The following SDK1 variants were observed in gnomAD, a reference collection of about 807,000 sequenced individuals.
SDK1 encodes the protein protein sidekick-1.
A neutral mutation model predicts 245.5 loss-of-function variants in SDK1; 157 were observed. The ratio of observed to expected loss-of-function variants is 0.64; its 90% CI spans 0.56 to 0.73. The LOEUF (loss-of-function observed/expected upper bound fraction) is 0.73, where lower values mean the gene tolerates loss of function less well. SDK1 is among the 30% of genes least tolerant of loss of function. The probability of loss-of-function intolerance (pLI) is 0.00; values close to 1 mark genes in which losing one functional copy is unlikely to be tolerated. For synonymous variants in SDK1, 1,647 were observed against 1,278.5 expected (o/e 1.29, Z -6.15); for missense variants, 3,583 against 3,002.3 (o/e 1.19, Z -4.52).
At chr7:3,336,020 C>T (rs1478215224) in intron 1 of SDK1, among the ~76,000 whole-genome samples, 2 of 152,108 alleles carry the variant, frequency 1.3e-5, no homozygotes, top group African/African-American at 2.4e-5. Context: ...ATGTCTAGTA[C>T]AGGGCACTGC....
At position 3,637,074 on chromosome 7, in the gene SDK1, A is replaced by C. The variant is rs868790988; in HGVS notation, c.459-1930A>C. ...GATGCAGAGAGAGAGAGAGAGAGAG[A>C]GTGCGTGCGCGCGTGTGTGTGTGTG... On this transcript the variant is annotated intron_variant, in intron 2 of 44. Transcript: ENST00000404826. Among the ~76,000 whole-genome samples, 268 of 138,636 alleles carry C rather than the reference A, an allele frequency of 1.9e-3. 1 individual carries two copies. The highest frequency in any genetic ancestry group is 3.8e-3 in the Middle Eastern group (1 of 266). The allele number at this position is 138,636 out of a possible 152,430, so 91.0% of individuals were successfully genotyped here. A position where few individuals can be genotyped will look rare whatever the true frequency, so the allele number is the denominator to read the frequency against.
chr7:4,129,184 A>G (rs1225940126), intron 26 of SDK1, among the ~76,000 whole-genome samples: 78 of 58,062 alleles, frequency 1.3e-3, no homozygotes, highest in Middle Eastern at 0.018. Context: ...ACCTTGGGGT[A>G]GGGTGCCCTG....
chr7:3,768,413 TAAGGAAAA>T (rs1780315821), intron 4 of SDK1, among the ~76,000 whole-genome samples: 1 of 152,122 alleles, frequency 6.6e-6, no homozygotes, highest in African/African-American at 2.4e-5. Flanking sequence ...CCTTAAACTT[TAAGGAAAA>T]TAAATAAAAA....
rs559586478 is a variant in SDK1, at chr7:3,804,018, C to G, written c.714-17432C>G. Among the ~76,000 whole-genome samples, 538 of 152,282 alleles carry G rather than the reference C, an allele frequency of 3.5e-3. 4 individuals are homozygous for G. The highest frequency in any genetic ancestry group is 0.013 in the African/African-American group (521 of 41,550). ...TGACCTCGTGATCCACCTGCCTTGG[C>G]CTCCCAAAGTGCTGGGATTACAGGC... On this transcript the variant is annotated intron_variant, in intron 4 of 44. Transcript: ENST00000404826.
chr7:4,241,943 C>G lies in SDK1; in HGVS notation c.6251+30C>G. On this transcript the variant is annotated intron_variant, in intron 43 of 44. Transcript: ENST00000404826. The stretch of plus-strand genomic sequence containing the variant: ...GCAGGCAGTGCTGTGCTGCGCCCAC[C>G]TGGGGATCTGAGCTGCCAGGGCTGG... The G allele has an allele frequency of 3.1e-6, 5 of 1,607,742 alleles. No individual in the cohort carries two copies. In the South Asian group the frequency reaches 5.5e-5, roughly 18 times the overall value.
intron 22 of SDK1, among the ~76,000 whole-genome samples, chr7:4,086,080 G>C (rs1005313716): frequency 2.6e-5 from 4 of 152,048 alleles, no homozygotes; most frequent in Admixed American, 6.6e-5. Context: ...ACAGCTCTGC[G>C]TATATGTGTA....
intron 5 of SDK1, among the ~76,000 whole-genome samples, chr7:3,946,574 C>G (rs116659283): frequency 1.3e-5 from 2 of 152,110 alleles, no homozygotes; most frequent in South Asian, 4.1e-4. Context: ...ACCTTGGCCT[C>G]CCAAAGTTCT....
rs1214508522 is a variant in SDK1 at position 4,205,866 on chromosome 7, G to T, written c.5099-13G>T. ...GAACGTCTCAGCTTCTCTCCGCATTGCTCTTTCCTCAGCCCCGGCCATGGC... is the reference window on the plus strand; with the variant it reads ...GAACGTCTCAGCTTCTCTCCGCATTTCTCTTTCCTCAGCCCCGGCCATGGC... On this transcript the variant is annotated splice_polypyrimidine_tract_variant and intron_variant, in intron 35 of 44. Transcript: ENST00000404826. The T allele has an allele frequency of 1.9e-6, 3 of 1,548,224 alleles. No individual in the cohort carries two copies. The highest frequency in any genetic ancestry group is 1.7e-6 in the Non-Finnish European group (2 of 1,144,052).
At chr7:3,714,843 G>C (rs1406407418) in intron 4 of SDK1, among the ~76,000 whole-genome samples, 15 of 152,118 alleles carry the variant, frequency 9.9e-5, no homozygotes. Context: ...AGCTTGGAGA[G>C]GTTCTAATTA....
rs559409265 is a variant in SDK1, at chr7:4,045,656, C to T, written c.2603-3692C>T. Among the ~76,000 whole-genome samples, 377 of 152,294 alleles carry T rather than the reference C, an allele frequency of 2.5e-3. 3 individuals are homozygous for T. The highest frequency in any genetic ancestry group is 8.5e-3 in the African/African-American group (354 of 41,562). ...TTTAACTTCGTAAGAAAGCACCAAA[C>T]GGTCCCACCAGGTGGCCGTGCCATG... On this transcript the variant is annotated intron_variant, in intron 17 of 44. Coordinates refer to ENST00000404826, the MANE Select transcript of SDK1 (RefSeq NM_152744.4).
intron 20 of SDK1, among the ~76,000 whole-genome samples, chr7:4,073,751 G>A (rs185066615): frequency 6.6e-6 from 1 of 152,286 alleles, no homozygotes; most frequent in African/African-American, 2.4e-5. Flanking sequence ...CGCTTTGAGA[G>A]CAGGGTCTCG....
chr7:3,706,407 G>T (rs761019636), intron 4 of SDK1, among the ~76,000 whole-genome samples: 18 of 151,940 alleles, frequency 1.2e-4, no homozygotes, highest in Non-Finnish European at 2.5e-4. Context: ...CTTTTTTGTT[G>T]GCATTTTTCT....
In SDK1 at chr7:3,852,470, G is replaced by A. The variant is rs113921277; in HGVS notation, c.847+30887G>A. ...TTTATTTAAAAGTTTTTTTTTGGCC[G>A]GGCACGGTGGCTCACACCTGTAATC... On this transcript the variant is annotated intron_variant, in intron 5 of 44. Transcript: ENST00000404826. 7.8e-3 allele frequency among the ~76,000 whole-genome samples: 1,178 copies of A among 150,718 alleles called. 19 individuals carry two copies. Among genetic ancestry groups the A allele is most frequent in the African/African-American group, 0.027 (1,125 of 41,122 alleles).
chr7:3,361,421 C>G (rs899785612), intron 1 of SDK1, among the ~76,000 whole-genome samples: 3 of 152,158 alleles, frequency 2.0e-5, no homozygotes, highest in African/African-American at 7.2e-5. Context: ...CTTGCTTTTT[C>G]TGTTTCAAGT....
chr7:3,845,233 C>CA (rs1382049312), intron 5 of SDK1, among the ~76,000 whole-genome samples: 1 of 152,044 alleles, frequency 6.6e-6, no homozygotes, highest in East Asian at 1.9e-4. Context: ...CGGTGGCTCA[C>CA]ACCTTCCCAG....
rs910219101 is a variant in SDK1, at chr7:3,646,532, C to G, written c.713+4427C>G. Among the ~76,000 whole-genome samples the G allele has an allele frequency of 4.3e-4, 65 of 152,300 alleles. 1 individual carries two copies. Among genetic ancestry groups the G allele is most frequent in the African/African-American group, 1.4e-3 (58 of 41,566 alleles). On this transcript the variant is annotated intron_variant, in intron 4 of 44. Transcript: ENST00000404826. ...ATGGAAGATTATGGATGTTAAATTACTTACCCCAGGGCCCCCAGCCAATAC... is the reference window on the plus strand; with the variant it reads ...ATGGAAGATTATGGATGTTAAATTAGTTACCCCAGGGCCCCCAGCCAATAC...
chr7:3,442,122 G>T (rs891898521), intron 1 of SDK1, among the ~76,000 whole-genome samples: 15 of 152,100 alleles, frequency 9.9e-5, no homozygotes, highest in African/African-American at 3.4e-4. Flanking sequence ...AGAGGTTCAG[G>T]AATATCCACA....
intron 1 of SDK1, among the ~76,000 whole-genome samples, chr7:3,495,372 C>G (rs568121629): frequency 6.6e-6 from 1 of 150,972 alleles, no homozygotes; most frequent in East Asian, 2.0e-4. Context: ...ATTCTCCTGC[C>G]TCAGCCTCCT....
At chr7:4,146,642 A>G (rs961217382) in intron 29 of SDK1, among the ~76,000 whole-genome samples, 1 of 152,246 alleles carries the variant, frequency 6.6e-6, no homozygotes, top group African/African-American at 2.4e-5. Flanking sequence ...CCCCGAAAGC[A>G]GCCCCCAGTC....
Sources: allele counts gnomAD v4.1 joint callset (sites outside exome capture counted in the v4.1 genomes callset), GRCh38; gene constraint gnomAD v4.1.1; transcripts MANE v1.5; gene names NCBI Gene and HGNC (gene_info 2026-07-23, HGNC 2026-07-21).